Variants in AKAP7 observed in about 807,000 individuals in gnomAD.
The protein encoded by AKAP7 is A-kinase anchoring protein 7, also known as A kinase (PRKA) anchor protein 7.
In AKAP7, 39 loss-of-function variants were observed where a neutral mutation model predicts 39.5. That is an observed-to-expected ratio of 0.99 (90% CI 0.76 to 1.29). The LOEUF (loss-of-function observed/expected upper bound fraction) is 1.29. Ranked by LOEUF, AKAP7 falls within the 50% of genes most tolerant of loss-of-function variation. AKAP7 has a pLI of 0.00. For synonymous variants in AKAP7, 140 were observed against 139.1 expected, an observed-to-expected ratio of 1.01 and a Z score of -0.05; for missense variants, 414 against 407.7, an observed-to-expected ratio of 1.02 and a Z score of -0.13.
chr6:131,251,520 G>A (rs1031842346), intron 7 of AKAP7, among the ~76,000 whole-genome samples: 2 of 151,966 alleles, frequency 1.3e-5, no homozygotes, highest in African/African-American at 4.8e-5. Context: ...TATACGTCTG[G>A]TTTATATTTC....
chr6:131,152,647 C>G (rs576288925), intron 2 of AKAP7, among the ~76,000 whole-genome samples: 9 of 149,576 alleles, frequency 6.0e-5, no homozygotes, highest in Non-Finnish European at 1.3e-4. Context: ...GGCCAACATG[C>G]GAAACCCCAT....
intron 3 of AKAP7, among the ~76,000 whole-genome samples, chr6:131,160,995 A>AG (rs1298448353): frequency 2.1e-5 from 1 of 47,488 alleles, no homozygotes; most frequent in African/African-American, 1.1e-4. Context: ...CCTTTGGCCC[A>AG]ATTACGAGCC....
chr6:131,247,120 G>A (rs1270780705), intron 7 of AKAP7, among the ~76,000 whole-genome samples: 1 of 151,416 alleles, frequency 6.6e-6, no homozygotes, highest in African/African-American at 2.4e-5. Context: ...GTAAATGTTA[G>A]GTTTTAGAAT....
chr6:131,279,551 G>A (rs965070722), intron 7 of AKAP7, among the ~76,000 whole-genome samples: 1 of 152,210 alleles, frequency 6.6e-6, no homozygotes, highest in African/African-American at 2.4e-5. Context: ...ACAGGCGTGA[G>A]CCACCGCGCC....
At chr6:131,245,170 C>T (rs985825009) in intron 7 of AKAP7, among the ~76,000 whole-genome samples, 1 of 151,866 alleles carries the variant, frequency 6.6e-6, no homozygotes, top group Non-Finnish European at 1.5e-5. Flanking sequence ...TACAAAGATG[C>T]AGCAGTGGCT....
chr6:131,253,662 ATTTAT>A (rs1459520573), intron 7 of AKAP7, among the ~76,000 whole-genome samples: 2 of 49,830 alleles, frequency 4.0e-5, no homozygotes, highest in African/African-American at 1.1e-4. Context: ...AGATCTACTT[ATTTAT>A]TTATTTATTT....
At chr6:131,235,753 GTTGT>G (rs1190066514) in intron 7 of AKAP7, among the ~76,000 whole-genome samples, 9 of 152,268 alleles carry the variant, frequency 5.9e-5, no homozygotes, top group Admixed American at 2.6e-4. Flanking sequence ...TTTTGATGGG[GTTGT>G]TTGTTTTTTT....
chr6:131,146,894 A>G (rs1359514220), intron 2 of AKAP7, among the ~76,000 whole-genome samples: 1 of 152,234 alleles, frequency 6.6e-6, no homozygotes, highest in Non-Finnish European at 1.5e-5. Context: ...ATATTAAAAC[A>G]CACAACAGTC....
intron 2 of AKAP7, among the ~76,000 whole-genome samples, chr6:131,158,647 C>T (rs949764248): frequency 1.3e-5 from 2 of 151,976 alleles, no homozygotes; most frequent in Non-Finnish European, 2.9e-5. Flanking sequence ...GCTGAGACTA[C>T]AGGCTTGTGC....
intron 6 of AKAP7, among the ~76,000 whole-genome samples, chr6:131,213,416 T>G (rs1195180877): frequency 6.6e-6 from 1 of 152,208 alleles, no homozygotes. Flanking sequence ...AAGTTGTAAG[T>G]GTATGTGGGA....
intron 5 of AKAP7, among the ~76,000 whole-genome samples, chr6:131,198,199 A>C (rs144101069): frequency 6.6e-6 from 1 of 152,170 alleles, no homozygotes; most frequent in Non-Finnish European, 1.5e-5. Context: ...TTTTCTCCCA[A>C]CATCTACTTG....
intron 7 of AKAP7, among the ~76,000 whole-genome samples, chr6:131,270,035 G>C (rs1814139680): frequency 6.6e-6 from 1 of 152,278 alleles, no homozygotes; most frequent in East Asian, 1.9e-4. Context: ...CCCAATAGAG[G>C]CTGAACTTGT....
At chr6:131,181,420 T>C (rs1256392928) in intron 5 of AKAP7, among the ~76,000 whole-genome samples, 1 of 152,214 alleles carries the variant, frequency 6.6e-6, no homozygotes, top group African/African-American at 2.4e-5. Context: ...TCTGTTCCTA[T>C]TGCTGTGCCT....
At chr6:131,205,267 T>C (rs775168722) in intron 6 of AKAP7, among the ~76,000 whole-genome samples, 6 of 152,072 alleles carry the variant, frequency 3.9e-5, no homozygotes, top group Non-Finnish European at 8.8e-5. Flanking sequence ...ACTTAAAAAA[T>C]TAGATTCAAA....
At chr6:131,203,197 T>G (rs1288713753) in intron 6 of AKAP7, among the ~76,000 whole-genome samples, 1 of 152,212 alleles carries the variant, frequency 6.6e-6, no homozygotes, top group Non-Finnish European at 1.5e-5. Context: ...TTACTATAAT[T>G]CGTGGTTTGG....
rs571599176 is a variant in AKAP7, at chr6:131,215,819, CT to C, written c.703-3840del. Among the ~76,000 whole-genome samples, 8 of 152,284 alleles carry C rather than the reference CT, an allele frequency of 5.3e-5. No homozygotes were observed. In the South Asian group the frequency reaches 1.2e-3, roughly 24 times the overall value. ...AAAATAAGTGTAAGAGATTACTGTT[CT>C]TCTTTAACCAGCCTATGCCCAAAAT... On this transcript the variant is annotated intron_variant, in intron 6 of 7. Transcript: ENST00000431975.
intron 7 of AKAP7, among the ~76,000 whole-genome samples, chr6:131,252,399 A>G (rs1476328051): frequency 6.6e-6 from 1 of 152,068 alleles, no homozygotes; most frequent in African/African-American, 2.4e-5. Flanking sequence ...TTTTCTGCCC[A>G]TCATTCTTTC....
chr6:131,207,764 A>AGGGC (rs1808271596), intron 6 of AKAP7, among the ~76,000 whole-genome samples: 1 of 151,954 alleles, frequency 6.6e-6, no homozygotes, highest in Non-Finnish European at 1.5e-5. Flanking sequence ...ATTTTAAAGA[A>AGGGC]TATTCCTTCA....
chr6:131,132,298 G>C (rs1314684258), upstream of AKAP7, among the ~76,000 whole-genome samples: 5 of 139,746 alleles, frequency 3.6e-5, no homozygotes, highest in African/African-American at 1.3e-4. Context: ...GGGCGACAGA[G>C]CGAGATTCCG....
Sources: gnomAD v4.1 joint callset for allele counts (sites outside exome capture counted in the v4.1 genomes callset) on GRCh38, gnomAD v4.1.1 for gene constraint, MANE v1.5 for transcripts, NCBI Gene and HGNC (gene_info 2026-07-23, HGNC 2026-07-21) for gene names.